Variants in ZNF532 observed in about 807,000 individuals in gnomAD.
ZNF532 encodes zinc finger protein 532.
In ZNF532, 22 loss-of-function variants were observed where a neutral mutation model predicts 89.3. The ratio of observed to expected loss-of-function variants is 0.25; its 90% confidence interval spans 0.18 to 0.35. ZNF532 has a LOEUF of 0.35. Among genes scored for constraint, ZNF532 ranks in the 10% least tolerant of loss-of-function variants. ZNF532 has a pLI of 1.00. For synonymous variants in ZNF532, 606 were observed against 649.6 expected (o/e 0.93, Z 1.02); for missense variants, 1,132 against 1,643.4 (o/e 0.69, Z 5.38).
chr18:58,970,659 G>A (rs567156209), intron 7 of ZNF532, among the ~76,000 whole-genome samples: 9 of 152,328 alleles, frequency 5.9e-5, no homozygotes, highest in Admixed American at 1.3e-4. Context: ...TTATTTTGTC[G>A]GCTTTCTAAT....
At chr18:58,930,095 C>A (rs2061824693) in intron 3 of ZNF532, among the ~76,000 whole-genome samples, 1 of 152,168 alleles carries the variant, frequency 6.6e-6, no homozygotes, top group Non-Finnish European at 1.5e-5. Flanking sequence ...ATACGTTTCT[C>A]TAGCCTCTCT....
intron 6 of ZNF532, among the ~76,000 whole-genome samples, chr18:58,950,436 A>G (rs1464702847): frequency 6.6e-6 from 1 of 151,786 alleles, no homozygotes; most frequent in African/African-American, 2.4e-5. Flanking sequence ...CTGCATTTAT[A>G]TGTTTGGGGT....
chr18:58,894,978 T>C (rs1320679005), intron 2 of ZNF532, among the ~76,000 whole-genome samples: 4 of 152,186 alleles, frequency 2.6e-5, no homozygotes, highest in Admixed American at 6.5e-5. Context: ...AGAAAAAGCA[T>C]TGTGGAACTC....
chr18:58,885,290 G>GTTT (rs2058220833), intron 2 of ZNF532, among the ~76,000 whole-genome samples: 1 of 152,046 alleles, frequency 6.6e-6, no homozygotes, highest in Admixed American at 6.6e-5. Flanking sequence ...CGCTCAGCTG[G>GTTT]GTGTTTTTTT....
intron 4 of ZNF532, 138 bp from the exon 5 acceptor site, chr18:58,939,306 GA>G (rs540308671): frequency 8.6e-6 from 3 of 348,728 alleles, no homozygotes; most frequent in Admixed American, 4.2e-5. Flanking sequence ...TTTATAATAG[GA>G]AAAAAACTAA....
intron 5 of ZNF532, among the ~76,000 whole-genome samples, chr18:58,945,695 A>T (rs2063585054): frequency 6.6e-6 from 1 of 151,966 alleles, no homozygotes; most frequent in Non-Finnish European, 1.5e-5. Flanking sequence ...AGTAAATCTC[A>T]GTTCTTTTCT....
At position 58,919,411 on chromosome 18, in the gene ZNF532, G is replaced by T; in HGVS notation, c.1124G>T (p.Arg375Ile). 1 of 1,614,200 alleles carries T rather than the reference G, an allele frequency of 6.2e-7. No individual in the cohort carries two copies. Among genetic ancestry groups the T allele is most frequent in the Non-Finnish European group, 8.5e-7 (1 of 1,180,044 alleles). Residue 375 changes from arginine to isoleucine, a missense_variant, in exon 3 of 10, where the codon AGA becomes ATA. By Grantham distance (97) the Arg-to-Ile change is moderately conservative (BLOSUM62 -3). Around this residue, in one of 9 missense-constraint regions of ZNF532, gnomAD observed 124 missense variants for 191.6 expected, o/e 0.65. Coordinates refer to ENST00000591808, the MANE Select transcript of ZNF532 (RefSeq NM_001375912.1). The surrounding 1 kb of genome is among the most constrained non-coding windows in gnomAD (Gnocchi z 6.1). ...AAGACATCTTCTGGGGAAATCAAGAGAACAGTGACCAGGGTATTGCCAGAA... is the reference window on the plus strand; with the variant it reads ...AAGACATCTTCTGGGGAAATCAAGATAACAGTGACCAGGGTATTGCCAGAA... ...TIKTSSGEIK[R>I]TVTRVLPEVD... is the part of the protein sequence containing the mutation.
chr18:58,966,136 C>G (rs1043002969), intron 7 of ZNF532, among the ~76,000 whole-genome samples: 1 of 152,084 alleles, frequency 6.6e-6, no homozygotes, highest in Non-Finnish European at 1.5e-5. Context: ...CCTACCCTCT[C>G]TCTTCTCCTT....
intron 2 of ZNF532, among the ~76,000 whole-genome samples, chr18:58,867,074 A>G (rs1262277542): frequency 6.6e-6 from 1 of 152,280 alleles, no homozygotes; most frequent in African/African-American, 2.4e-5. Flanking sequence ...GATGTCAACT[A>G]AAACTCAGAT....
intron 9 of ZNF532, 115 bp from the exon 10 acceptor site, chr18:58,983,856 TC>T: frequency 7.5e-7 from 1 of 1,341,570 alleles, no homozygotes; most frequent in Non-Finnish European, 1.0e-6. Flanking sequence ...AGCCCCTAAA[TC>T]CCAAAGCGTT....
chr18:58,893,298 G>A (rs568507014), intron 2 of ZNF532, among the ~76,000 whole-genome samples: 1 of 152,248 alleles, frequency 6.6e-6, no homozygotes, highest in African/African-American at 2.4e-5. Flanking sequence ...AATTAGAAGT[G>A]TCTGTGAGTT....
At chr18:58,976,500 A>G (rs1370266637) in intron 7 of ZNF532, among the ~76,000 whole-genome samples, 1 of 152,050 alleles carries the variant, frequency 6.6e-6, no homozygotes, top group Non-Finnish European at 1.5e-5. Context: ...ATAATCTGTT[A>G]GGATTTGGTG....
At chr18:58,908,070 G>T (rs2060045328) in intron 2 of ZNF532, among the ~76,000 whole-genome samples, 1 of 152,208 alleles carries the variant, frequency 6.6e-6, no homozygotes, top group Admixed American at 6.5e-5. Flanking sequence ...GTCACTCATT[G>T]TTTGAATGTT....
At chr18:58,937,313 C>T (rs927482192) in intron 4 of ZNF532, among the ~76,000 whole-genome samples, 2 of 152,142 alleles carry the variant, frequency 1.3e-5, no homozygotes, top group Non-Finnish European at 2.9e-5. Context: ...CCCCCATTGG[C>T]CTCTGTTGCC....
At chr18:58,937,242 T>G (rs1193347010) in intron 4 of ZNF532, among the ~76,000 whole-genome samples, 5 of 152,204 alleles carry the variant, frequency 3.3e-5, no homozygotes, top group Non-Finnish European at 7.3e-5. Context: ...ACAGGATTTT[T>G]CATAGCATTA....
At chr18:58,949,994 A>G (rs562114510) in intron 6 of ZNF532, among the ~76,000 whole-genome samples, 1 of 152,354 alleles carries the variant, frequency 6.6e-6, no homozygotes, top group East Asian at 1.9e-4. Flanking sequence ...AGCTAAAATT[A>G]CATAATTATT....
chr18:58,891,411 T>C (rs2058894361), intron 2 of ZNF532, among the ~76,000 whole-genome samples: 1 of 152,170 alleles, frequency 6.6e-6, no homozygotes, highest in Non-Finnish European at 1.5e-5. Flanking sequence ...ATGCCTGTCA[T>C]CCCAGCTACT....
At chr18:58,909,235 G>A (rs985887829) in intron 2 of ZNF532, among the ~76,000 whole-genome samples, 20 of 152,152 alleles carry the variant, frequency 1.3e-4, no homozygotes, top group African/African-American at 4.6e-4. Flanking sequence ...TTATAGGCGT[G>A]AGCCACCGCG....
chr18:58,907,626 A>T (rs1310005750), intron 2 of ZNF532, among the ~76,000 whole-genome samples: 1 of 152,014 alleles, frequency 6.6e-6, no homozygotes, highest in Non-Finnish European at 1.5e-5. Context: ...TTTTGTGGTC[A>T]TTTGGGGGTT....
Sources: gnomAD v4.1 joint callset for allele counts (sites outside exome capture counted in the v4.1 genomes callset) on GRCh38, gnomAD v4.1.1 for gene constraint, gnomAD v4.1.1 regional missense constraint, Gnocchi (gnomAD v3.1) non-coding constraint, MANE v1.5 for transcripts, NCBI Gene and HGNC (gene_info 2026-07-23, HGNC 2026-07-21) for gene names.